Variants in NTN4 observed in about 807,000 individuals in gnomAD.
NTN4 encodes the protein netrin-4.
Under a neutral mutation model 73.6 loss-of-function variants are expected in NTN4, and 32 were observed. The ratio of observed to expected loss-of-function variants is 0.44; its 90% CI spans 0.33 to 0.58. The LOEUF is 0.58. NTN4 is among the 20% of genes least tolerant of loss of function. The probability of loss-of-function intolerance (pLI) is 0.04; values close to 1 mark genes in which losing one functional copy is unlikely to be tolerated. For synonymous variants in NTN4, 258 were observed against 287.5 expected, an observed-to-expected ratio of 0.90 and a Z score of 1.04; for missense variants, 654 against 798.3, an observed-to-expected ratio of 0.82 and a Z score of 2.18.
chr12:95,769,550 CAAAA>C (rs60702860), intron 2 of NTN4, among the ~76,000 whole-genome samples: 2,146 of 130,352 alleles, frequency 0.016, 58 homozygotes, highest in African/African-American at 0.06. Flanking sequence ...ATTTATAGAC[CAAAA>C]AAAAAAAAAA....
intron 3 of NTN4, among the ~76,000 whole-genome samples, chr12:95,716,030 A>C (rs918990834): frequency 1.3e-5 from 2 of 151,624 alleles, no homozygotes; most frequent in East Asian, 3.9e-4. Flanking sequence ...AAGTAACACA[A>C]TGGAGACTAG....
At chr12:95,735,116 C>A (rs1253842265) in intron 3 of NTN4, among the ~76,000 whole-genome samples, 1 of 152,066 alleles carries the variant, frequency 6.6e-6, no homozygotes, top group African/African-American at 2.4e-5. Context: ...TTTTCTAATT[C>A]AGAAAAAAGT....
intron 3 of NTN4, among the ~76,000 whole-genome samples, chr12:95,714,881 G>T (rs2078594124): frequency 6.6e-6 from 1 of 152,152 alleles, no homozygotes; most frequent in Non-Finnish European, 1.5e-5. Context: ...TACTAAAAAT[G>T]ACATGTGCTC....
chr12:95,706,731 G>A (rs1032928478), intron 5 of NTN4, among the ~76,000 whole-genome samples: 3 of 152,050 alleles, frequency 2.0e-5, no homozygotes, highest in African/African-American at 7.2e-5. Flanking sequence ...GTGACTAGCT[G>A]TTTGCTACAC....
intron 3 of NTN4, among the ~76,000 whole-genome samples, chr12:95,726,321 C>A (rs1186957809): frequency 6.6e-6 from 1 of 152,132 alleles, no homozygotes; most frequent in Non-Finnish European, 1.5e-5. Flanking sequence ...CCTATTTTAT[C>A]TTTATGGATT....
chr12:95,686,219 T>C (rs535942194), intron 5 of NTN4, among the ~76,000 whole-genome samples: 1 of 152,320 alleles, frequency 6.6e-6, no homozygotes, highest in South Asian at 2.1e-4. Context: ...ATAGGACCTA[T>C]GTTTATCTGA....
chr12:95,663,824 G>A (rs1195449009), intron 9 of NTN4, among the ~76,000 whole-genome samples: 1 of 152,156 alleles, frequency 6.6e-6, no homozygotes, highest in African/African-American at 2.4e-5. Flanking sequence ...AGGAAGTATA[G>A]TTCACTTCCT....
intron 3 of NTN4, among the ~76,000 whole-genome samples, chr12:95,736,281 T>C (rs1382940889): frequency 1.3e-5 from 2 of 152,056 alleles, no homozygotes; most frequent in Non-Finnish European, 2.9e-5. Flanking sequence ...TGGCACTTTG[T>C]TGTGGTTGAT....
chr12:95,739,256 A>G (rs1444714993), intron 2 of NTN4, among the ~76,000 whole-genome samples: 1 of 152,222 alleles, frequency 6.6e-6, no homozygotes, highest in Non-Finnish European at 1.5e-5. Flanking sequence ...TCATTCGCAT[A>G]CTGAATTTCA....
At chr12:95,690,091 G>A (rs2468369) in intron 5 of NTN4, among the ~76,000 whole-genome samples, 121,542 of 152,200 alleles carry the variant, frequency 0.8, 48,900 homozygotes, top group East Asian at 1. Flanking sequence ...TTAGTAAGAC[G>A]TTAGCAAATG....
chr12:95,677,106 T>A (rs940579449), intron 7 of NTN4, among the ~76,000 whole-genome samples: 5 of 151,846 alleles, frequency 3.3e-5, no homozygotes, highest in African/African-American at 9.7e-5. Context: ...CATGGTGGCA[T>A]GCGCCTGTAG....
intron 3 of NTN4, among the ~76,000 whole-genome samples, chr12:95,732,093 T>A: frequency 6.6e-6 from 1 of 152,228 alleles, no homozygotes; most frequent in Non-Finnish European, 1.5e-5. Context: ...CATACATGCA[T>A]GTTTTACCAT....
intron 5 of NTN4, among the ~76,000 whole-genome samples, chr12:95,685,444 C>T (rs11108196): frequency 2.8e-4 from 43 of 152,328 alleles, no homozygotes; most frequent in African/African-American, 1.0e-3. Flanking sequence ...AGAAATATAA[C>T]TTTCCTGAAT....
chr12:95,785,042 G>C (rs990778356), intron 2 of NTN4, among the ~76,000 whole-genome samples: 1 of 152,168 alleles, frequency 6.6e-6, no homozygotes, highest in Non-Finnish European at 1.5e-5. Context: ...TGCTAAATGA[G>C]CATGCCTGCC....
At chr12:95,696,696 T>C (rs2078444932) in intron 5 of NTN4, among the ~76,000 whole-genome samples, 1 of 152,126 alleles carries the variant, frequency 6.6e-6, no homozygotes, top group African/African-American at 2.4e-5. Flanking sequence ...GTGAATAATA[T>C]CTTAACACCA....
At chr12:95,722,190 G>C (rs1355941428) in intron 3 of NTN4, among the ~76,000 whole-genome samples, 1 of 151,480 alleles carries the variant, frequency 6.6e-6, no homozygotes, top group African/African-American at 2.4e-5. Context: ...AGCCAAAAAT[G>C]AAATAAAGCA....
In NTN4 at chr12:95,759,116, G is replaced by C. The variant is rs576488158; in HGVS notation, c.586-20972C>G. 9.9e-5 allele frequency among the ~76,000 whole-genome samples: 15 copies of C among 152,284 alleles called. No individual in the cohort carries two copies. In the South Asian group the frequency reaches 3.1e-3, roughly 32 times the overall value. On this transcript the variant is annotated intron_variant, in intron 2 of 9. Transcript: ENST00000343702. ...CTAATTATTCCAGCACTGTTGATTA[G>C]AAAGACTAACGCTTCTTCATTGAAT...
chr12:95,786,912 A>G, intron 2 of NTN4, 27 bp downstream of exon 2: 1 of 1,587,928 alleles, frequency 6.3e-7, no homozygotes, highest in Non-Finnish European at 8.6e-7. Flanking sequence ...TCTTACTTAC[A>G]GTGTAGAGTT....
At chr12:95,664,623 G>GT (rs11396133) in intron 9 of NTN4, among the ~76,000 whole-genome samples, 54,904 of 151,148 alleles carry the variant, frequency 0.36, 9,952 homozygotes, top group Middle Eastern at 0.44. Context: ...AAAAGACTTT[G>GT]TTTTTTTGAG....
Sources: gnomAD v4.1 joint callset for allele counts (sites outside exome capture counted in the v4.1 genomes callset) on GRCh38, gnomAD v4.1.1 for gene constraint, MANE v1.5 for transcripts, NCBI Gene and HGNC (gene_info 2026-07-23, HGNC 2026-07-21) for gene names.